CAV1: variants seen among roughly 807,000 people sequenced by gnomAD.
CAV1 encodes the protein caveolin-1.
CAV1 carries 10 observed loss-of-function variants against 16.5 expected under a neutral mutation model. That is an observed-to-expected ratio of 0.61 (90% CI 0.37 to 1.03). The LOEUF is 1.03. Ranked by LOEUF, CAV1 falls within the 50% of genes least tolerant of loss-of-function variation. CAV1 has a pLI of 0.01. For synonymous variants in CAV1, 76 were observed against 85.1 expected (o/e 0.89, Z 0.59); for missense variants, 212 against 232.8 (o/e 0.91, Z 0.58).
At chr7:116,542,105 A>G (rs745903356) in intron 2 of CAV1, among the ~76,000 whole-genome samples, 1 of 152,260 alleles carries the variant, frequency 6.6e-6, no homozygotes, top group Non-Finnish European at 1.5e-5. Flanking sequence ...AGAACACTGC[A>G]AAAGGCATGC....
At chr7:116,543,812 T>C (rs1793986293) in intron 2 of CAV1, among the ~76,000 whole-genome samples, 1 of 152,200 alleles carries the variant, frequency 6.6e-6, no homozygotes, top group African/African-American at 2.4e-5. Flanking sequence ...GCCCCATTTC[T>C]ATCGTTTGTT....
At chr7:116,552,732 CA>C (rs1196332239) in intron 2 of CAV1, among the ~76,000 whole-genome samples, 1 of 152,150 alleles carries the variant, frequency 6.6e-6, no homozygotes, top group African/African-American at 2.4e-5. Context: ...ATAAGGAAGA[CA>C]AAGCTTCCCT....
chr7:116,548,696 G>T (rs1249175986), intron 2 of CAV1, among the ~76,000 whole-genome samples: 2 of 152,152 alleles, frequency 1.3e-5, no homozygotes, highest in Non-Finnish European at 2.9e-5. Flanking sequence ...GGTATAGGGA[G>T]AGCTGAATGA....
At chr7:116,558,540 G>A (rs1041029423) in intron 2 of CAV1, among the ~76,000 whole-genome samples, 4 of 151,114 alleles carry the variant, frequency 2.6e-5, no homozygotes, top group Non-Finnish European at 5.9e-5. Context: ...TTGATCTCAG[G>A]CGTTCAAGAC....
At chr7:116,547,507 A>G (rs2116048466) in intron 2 of CAV1, among the ~76,000 whole-genome samples, 1 of 152,340 alleles carries the variant, frequency 6.6e-6, no homozygotes, top group African/African-American at 2.4e-5. Context: ...TGCACTCATC[A>G]GCTGGGGCAT....
intron 2 of CAV1, among the ~76,000 whole-genome samples, chr7:116,545,079 C>T (rs1794013372): frequency 6.6e-6 from 1 of 152,228 alleles, no homozygotes; most frequent in African/African-American, 2.4e-5. Context: ...TATTTCTCAA[C>T]TTCAAATTGT....
At chr7:116,540,142 A>G (rs888076613) in intron 2 of CAV1, among the ~76,000 whole-genome samples, 3 of 152,208 alleles carry the variant, frequency 2.0e-5, no homozygotes, top group African/African-American at 7.2e-5. Flanking sequence ...CTGGGAGGTG[A>G]TAACTGTTAA....
chr7:116,537,217 T>C (rs1793839259), intron 2 of CAV1, among the ~76,000 whole-genome samples: 1 of 152,188 alleles, frequency 6.6e-6, no homozygotes, highest in Non-Finnish European at 1.5e-5. Context: ...TGCTTAATAT[T>C]CTGTCTCACA....
At chr7:116,549,777 A>G (rs75704416) in intron 2 of CAV1, among the ~76,000 whole-genome samples, 2,085 of 152,278 alleles carry the variant, frequency 0.014, 18 homozygotes, top group Middle Eastern at 0.051. Flanking sequence ...CCTACTGAAG[A>G]AATATTTACA....
In CAV1 at chr7:116,555,448, A is replaced by AAAGGAAGGAAGGAAGGAAGG. The variant is rs113043378; in HGVS notation, c.196-3488_196-3469dup. Among the ~76,000 whole-genome samples the AAAGGAAGGAAGGAAGGAAGG allele has an allele frequency of 5.6e-3, 208 of 37,400 alleles. 49 individuals are homozygous for AAAGGAAGGAAGGAAGGAAGG. The highest frequency in any genetic ancestry group is 0.034 in the East Asian group (25 of 728). The allele number at this position is 37,400 out of a possible 152,430, so 24.5% of individuals were successfully genotyped here. A position where few individuals can be genotyped will look rare whatever the true frequency, so the allele number is the denominator to read the frequency against. ...AGCAAGAACCTGTCTCCAAAAAAAG[A>AAAGGAAGGAAGGAAGGAAGG]AAGGAAGGAAGGAAGGAAGGAAGGA... On this transcript the variant is annotated intron_variant, in intron 2 of 2. Coordinates refer to ENST00000341049, the MANE Select transcript of CAV1 (RefSeq NM_001753.5).
chr7:116,527,948 T>C (rs1386846990), intron 2 of CAV1, among the ~76,000 whole-genome samples: 1 of 152,228 alleles, frequency 6.6e-6, no homozygotes, highest in Non-Finnish European at 1.5e-5. Flanking sequence ...GCAGCTTTTT[T>C]TGACTAGCTG....
rs559022066 is a variant in CAV1, at chr7:116,534,699, C to T, written c.195+8010C>T. ...ACAGGCGTGAGCCACTGCACCCGGC[C>T]CAGATATATTAAATTAGAATATCTA... On this transcript the variant is annotated intron_variant, in intron 2 of 2. Coordinates refer to ENST00000341049, the MANE Select transcript of CAV1 (RefSeq NM_001753.5). 1.8e-3 allele frequency among the ~76,000 whole-genome samples: 271 copies of T among 151,862 alleles called. 1 individual carries two copies. Among genetic ancestry groups the T allele is most frequent in the Admixed American group, 4.7e-3 (71 of 15,246 alleles).
chr7:116,526,798 A>G, intron 2 of CAV1, 109 bp downstream of exon 2: 1 of 1,170,274 alleles, frequency 8.5e-7, no homozygotes, highest in Non-Finnish European at 1.2e-6. Flanking sequence ...CCCGCCCCCT[A>G]CACGCGCACA....
chr7:116,528,422 A>T (rs1469846123), intron 2 of CAV1, among the ~76,000 whole-genome samples: 1 of 152,232 alleles, frequency 6.6e-6, no homozygotes, highest in Non-Finnish European at 1.5e-5. Context: ...AAGAAATTAA[A>T]AGAAAAAGCT....
chr7:116,533,961 T>C (rs576347354), intron 2 of CAV1, among the ~76,000 whole-genome samples: 1 of 152,212 alleles, frequency 6.6e-6, no homozygotes, highest in African/African-American at 2.4e-5. Context: ...AATCCTCCTA[T>C]TGAAACATTG....
intron 2 of CAV1, among the ~76,000 whole-genome samples, chr7:116,527,575 T>TA (rs1356004080): frequency 6.6e-6 from 1 of 152,194 alleles, no homozygotes; most frequent in Non-Finnish European, 1.5e-5. Flanking sequence ...TTTTAGCCAA[T>TA]CTAGTGGGAG....
intron 2 of CAV1, among the ~76,000 whole-genome samples, chr7:116,554,979 C>T (rs777677758): frequency 1.3e-5 from 2 of 152,108 alleles, no homozygotes; most frequent in Non-Finnish European, 2.9e-5. Flanking sequence ...TCTTAACCCC[C>T]GGCAGTATTC....
At chr7:116,555,521 AG>A (rs1562838214) in intron 2 of CAV1, among the ~76,000 whole-genome samples, 619 of 10,088 alleles carry the variant, frequency 0.061, 99 homozygotes, top group African/African-American at 0.082. Context: ...AGAAAGAAAG[AG>A]AGAGAGAGAG....
intron 1 of CAV1, chr7:116,526,203 C>A: frequency 1.1e-6 from 1 of 897,008 alleles, no homozygotes; most frequent in Non-Finnish European, 1.4e-6. Flanking sequence ...GCGTGCTGAG[C>A]CGGGGCGTGC....
Sources: allele counts gnomAD v4.1 joint callset (sites outside exome capture counted in the v4.1 genomes callset), GRCh38; gene constraint gnomAD v4.1.1; transcripts MANE v1.5; gene names NCBI Gene and HGNC (gene_info 2026-07-23, HGNC 2026-07-21).